Variants in PCNX2 observed in about 807,000 individuals in gnomAD.
PCNX2 encodes the protein pecanex 2.
A neutral mutation model predicts 223.8 loss-of-function variants in PCNX2; 168 were observed. The observed-to-expected ratio is 0.75, with a 90% CI of 0.66 to 0.85. The LOEUF is 0.85. PCNX2 is among the 40% of genes least tolerant of loss of function. The pLI is 0.00. For missense variants in PCNX2, 2,507 were observed against 2,675.5 expected (o/e 0.94, Z 1.39); for synonymous variants, 1,006 against 1,052.6 (o/e 0.96, Z 0.86).
At chr1:233,174,003 TTACTC>T (rs1442860401) in intron 17 of PCNX2, among the ~76,000 whole-genome samples, 3 of 148,530 alleles carry the variant, frequency 2.0e-5, no homozygotes, top group Non-Finnish European at 4.5e-5. Context: ...TCTTTGCTCT[TTACTC>T]TTTACTATTT....
In PCNX2 at chr1:232,986,179, C is replaced by T; in HGVS notation, c.6153G>A (p.Glu2051=). 9.6e-6 allele frequency: 15 copies of T among 1,562,900 alleles called. No individual in the cohort carries two copies. The highest frequency in any genetic ancestry group is 1.2e-5 in the Non-Finnish European group (14 of 1,152,876). Residue 2051 remains glutamate, a synonymous_variant, in exon 33 of 34, where the codon GAG becomes GAA. Coordinates refer to ENST00000258229, the MANE Select transcript of PCNX2 (RefSeq NM_014801.4). The stretch of plus-strand genomic sequence containing the variant: ...ACTGGGTGTCACTGGTATTGCCCCC[C>T]TCCGCAGCAGAGAGTCCGGAAATGA... ...ALVISGLSAA[E]GGNTSDTQSS...
At position 233,154,665 on chromosome 1, in the gene PCNX2, T is replaced by C. The variant is rs191299640; in HGVS notation, c.3517+5618A>G. Among the ~76,000 whole-genome samples the C allele has an allele frequency of 1.4e-3, 212 of 152,350 alleles. 1 individual carries two copies. The highest frequency in any genetic ancestry group is 0.014 in the Middle Eastern group (4 of 294). The stretch of plus-strand genomic sequence containing the variant: ...AATTCCATATATTTTCCATTTTATA[T>C]GCATATCAATAAGTTGGAAAGATTT... On this transcript the variant is annotated intron_variant, in intron 19 of 33. Transcript: ENST00000258229.
chr1:233,247,504 T>G (rs1659192151), intron 8 of PCNX2, among the ~76,000 whole-genome samples: 2 of 152,208 alleles, frequency 1.3e-5, no homozygotes. Flanking sequence ...TTTTGTTTTT[T>G]GTAGAGATGG....
chr1:233,226,698 T>A (rs1188724443), intron 10 of PCNX2, among the ~76,000 whole-genome samples: 1 of 152,090 alleles, frequency 6.6e-6, no homozygotes, highest in Admixed American at 6.6e-5. Flanking sequence ...GAAAGGAGAT[T>A]AAAGGAAAAA....
intron 20 of PCNX2, among the ~76,000 whole-genome samples, chr1:233,136,975 C>T (rs147740566): frequency 1.3e-5 from 2 of 152,300 alleles, no homozygotes; most frequent in East Asian, 3.9e-4. Context: ...GTAGGGATGA[C>T]TGGTTCAAAC....
intron 1 of PCNX2, among the ~76,000 whole-genome samples, chr1:233,272,055 A>C (rs1660664410): frequency 6.6e-6 from 1 of 152,156 alleles, no homozygotes; most frequent in African/African-American, 2.4e-5. Context: ...ATAACATTGG[A>C]AAAACCCTTC....
chr1:233,000,221 GC>G lies in PCNX2; in HGVS notation c.5328+83del. 3.1e-6 allele frequency: 4 copies of G among 1,300,492 alleles called. No homozygotes were observed. The highest frequency in any genetic ancestry group is 3.3e-6 in the Non-Finnish European group (3 of 897,740). The allele number at this position is 1,300,492 out of a possible 1,614,324, so 80.6% of individuals were successfully genotyped here. On this transcript the variant is annotated intron_variant, in intron 30 of 33. Transcript: ENST00000258229. This position sits in a 1 kb window ranked among gnomAD's most constrained non-coding sequence, Gnocchi z 4.6. ...CTGGCACAGAGACTCCTGTGTCAGT[GC>G]CCCCCTGCCCACCACCATTCTATTT... is the stretch of plus-strand genomic sequence containing the variant.
rs533341793 is a variant in PCNX2, at chr1:233,276,546, C to T, written c.154-13383G>A. Among the ~76,000 whole-genome samples, 282 of 152,308 alleles carry T rather than the reference C, an allele frequency of 1.9e-3. 1 individual carries two copies. Among genetic ancestry groups the T allele is most frequent in the Non-Finnish European group, 3.4e-3 (233 of 68,036 alleles). On this transcript the variant is annotated intron_variant, in intron 1 of 33. Coordinates refer to ENST00000258229, the MANE Select transcript of PCNX2 (RefSeq NM_014801.4). Reference sequence around the variant, plus strand: ...TTATAACACTTTGGATTACGCATGACATTTTTCAACTGAGAAATATGAACA... The same window carrying T: ...TTATAACACTTTGGATTACGCATGATATTTTTCAACTGAGAAATATGAACA...
At chr1:233,277,406 C>T (rs1660970969) in intron 1 of PCNX2, among the ~76,000 whole-genome samples, 1 of 152,210 alleles carries the variant, frequency 6.6e-6, no homozygotes, top group East Asian at 1.9e-4. Flanking sequence ...CAAAGCTTTT[C>T]ATTGTCAAGA....
At chr1:233,187,176 G>C (rs1325597638) in intron 15 of PCNX2, among the ~76,000 whole-genome samples, 1 of 152,154 alleles carries the variant, frequency 6.6e-6, no homozygotes, top group Non-Finnish European at 1.5e-5. Flanking sequence ...ACGACCACAC[G>C]TAGTTTTTAA....
rs901543775 is a variant in PCNX2, at chr1:233,174,423, C to A, written c.3273+3379G>T. On this transcript the variant is annotated intron_variant, in intron 17 of 33. Transcript: ENST00000258229. The stretch of plus-strand genomic sequence containing the variant: ...TAAATTTTTGGATTTATGGTAAATC[C>A]GTGCATGTTTAACTAAGAAATATAT... Among the ~76,000 whole-genome samples, 51 of 149,716 alleles carry A rather than the reference C, an allele frequency of 3.4e-4. No individual in the cohort carries two copies. In the South Asian group the frequency reaches 0.01, roughly 30 times the overall value.
At chr1:233,079,755 C>A (rs1572080330) in intron 23 of PCNX2, among the ~76,000 whole-genome samples, 1 of 152,090 alleles carries the variant, frequency 6.6e-6, no homozygotes, top group East Asian at 1.9e-4. Flanking sequence ...CTCGGCCCAG[C>A]CTTCCTTTGT....
intron 23 of PCNX2, among the ~76,000 whole-genome samples, chr1:233,086,491 A>T (rs1205149748): frequency 6.6e-6 from 1 of 151,692 alleles, no homozygotes; most frequent in Admixed American, 6.6e-5. Context: ...CCCCGTCTCT[A>T]CTAAAAATAC....
intron 23 of PCNX2, among the ~76,000 whole-genome samples, chr1:233,081,899 C>T (rs955342471): frequency 6.6e-6 from 1 of 152,104 alleles, no homozygotes; most frequent in African/African-American, 2.4e-5. Flanking sequence ...CTTTCCTTTC[C>T]AGACAGGCCT....
chr1:233,303,115 G>GCA, the PCNX2 span, among the ~76,000 whole-genome samples: 125 of 149,034 alleles, frequency 8.4e-4, 1 homozygote, highest in Middle Eastern at 0.01. Context: ...AAATACAAAT[G>GCA]CACACACACA....
intron 21 of PCNX2, among the ~76,000 whole-genome samples, chr1:233,099,317 C>T (rs1458806517): frequency 6.6e-6 from 1 of 152,212 alleles, no homozygotes; most frequent in African/African-American, 2.4e-5. Context: ...CAAGCATGAA[C>T]ATCACACACT....
chr1:233,002,179 T>G (rs746178419), intron 28 of PCNX2, among the ~76,000 whole-genome samples: 5 of 152,116 alleles, frequency 3.3e-5, no homozygotes, highest in Non-Finnish European at 5.9e-5. Context: ...AAAACTAAAT[T>G]AAATGTCAAA....
intron 26 of PCNX2, among the ~76,000 whole-genome samples, chr1:233,017,950 G>A (rs1021790895): frequency 6.6e-6 from 1 of 152,168 alleles, no homozygotes; most frequent in Non-Finnish European, 1.5e-5. Context: ...AAAGAGATTG[G>A]GGTAGACCTG....
chr1:233,151,638 T>C (rs747831823), intron 19 of PCNX2, among the ~76,000 whole-genome samples: 21 of 152,164 alleles, frequency 1.4e-4, no homozygotes, highest in Middle Eastern at 3.2e-3. Flanking sequence ...CAGCTAACCA[T>C]TGAGCTCTGT....
Sources: allele counts gnomAD v4.1 joint callset (sites outside exome capture counted in the v4.1 genomes callset), GRCh38; gene constraint gnomAD v4.1.1; non-coding constraint Gnocchi (gnomAD v3.1); transcripts MANE v1.5; gene names NCBI Gene and HGNC (gene_info 2026-07-23, HGNC 2026-07-21).